The following HTR2B variants were observed in gnomAD, a reference collection of about 807,000 sequenced individuals.
HTR2B encodes 5-hydroxytryptamine receptor 2B.
A neutral mutation model predicts 39.8 loss-of-function variants in HTR2B; 31 were observed. The ratio of observed to expected loss-of-function variants is 0.78; its 90% CI spans 0.58 to 1.05. The LOEUF (loss-of-function observed/expected upper bound fraction) is 1.05, where lower values mean the gene tolerates loss of function less well. Ranked by LOEUF, HTR2B falls within the 50% of genes least tolerant of loss-of-function variation. The probability of loss-of-function intolerance (pLI) is 0.00; values close to 1 mark genes in which losing one functional copy is unlikely to be tolerated. For synonymous variants in HTR2B, 210 were observed against 207.1 expected (o/e 1.01, Z -0.12); for missense variants, 562 against 578.0 (o/e 0.97, Z 0.28).
chr2:231,111,766 C>A (rs898066033), intron 3 of HTR2B, among the ~76,000 whole-genome samples: 1 of 152,148 alleles, frequency 6.6e-6, no homozygotes, highest in Non-Finnish European at 1.5e-5. Flanking sequence ...CTCTAGGTTT[C>A]TTTTTTCTTA....
At chr2:231,112,022 T>C (rs767546215) in intron 3 of HTR2B, among the ~76,000 whole-genome samples, 4 of 152,204 alleles carry the variant, frequency 2.6e-5, no homozygotes, top group Non-Finnish European at 5.9e-5. Context: ...AGATGCCATT[T>C]ATACCAGCAG....
At chr2:231,114,034 G>C in intron 2 of HTR2B, 105 bp from the exon 3 acceptor site, 2 of 853,250 alleles carry the variant, frequency 2.3e-6, no homozygotes, top group Non-Finnish European at 3.9e-6. Context: ...TTACTCATCT[G>C]AAATTTTATA....
intron 2 of HTR2B, among the ~76,000 whole-genome samples, chr2:231,114,639 G>T (rs1695270153): frequency 6.6e-6 from 1 of 152,134 alleles, no homozygotes. Context: ...CTCAGGGTTA[G>T]ACGTAGTACT....
chr2:231,115,815 G>A (rs778623248), intron 2 of HTR2B, among the ~76,000 whole-genome samples: 15 of 152,078 alleles, frequency 9.9e-5, no homozygotes, highest in Non-Finnish European at 2.1e-4. Context: ...AGTGAGGATC[G>A]GCATCACCTG....
chr2:231,118,329 A>AT (rs1553563889), intron 2 of HTR2B, among the ~76,000 whole-genome samples: 1 of 152,174 alleles, frequency 6.6e-6, no homozygotes, highest in Non-Finnish European at 1.5e-5. Context: ...TCAGTATGAA[A>AT]TAAGAGTGTT....
chr2:231,120,609 T>C (rs1224160657), intron 2 of HTR2B, among the ~76,000 whole-genome samples: 1 of 152,244 alleles, frequency 6.6e-6, no homozygotes, highest in Non-Finnish European at 1.5e-5. Context: ...TTAAATATTA[T>C]ACAGATCAGT....
In HTR2B at chr2:231,124,099, C is replaced by G. The variant is rs531156439; in HGVS notation, c.-335G>C. 52 of 266,350 alleles carry G rather than the reference C, an allele frequency of 2.0e-4. No individual in the cohort carries two copies. Among genetic ancestry groups the G allele is most frequent in the African/African-American group, 1.1e-3 (48 of 44,938 alleles). 16.5% of individuals were successfully genotyped at this position (266,350 alleles called of 1,614,324 possible). ...TCTTTTTCTGCCGTAGTTGTAGAGT[C>G]GTGTTTGAACTTGCATGCCAGAGAG... On this transcript the variant is annotated 5_prime_UTR_variant, in exon 2 of 4. Coordinates refer to ENST00000258400, the MANE Select transcript of HTR2B (RefSeq NM_000867.5).
intron 2 of HTR2B, among the ~76,000 whole-genome samples, chr2:231,120,704 A>G (rs978211340): frequency 6.6e-6 from 1 of 152,226 alleles, no homozygotes; most frequent in Non-Finnish European, 1.5e-5. Context: ...TCATTTTATT[A>G]GACTACGAGC....
In HTR2B at chr2:231,109,193, T is replaced by G; in HGVS notation, c.770A>C (p.Gln257Pro). ...AGACACAGTCAACCATGTTAGGCGT[T>G]GAGGTGGCTTGTTTTTGACTAAGTA... The part of the protein sequence containing the change: ...KAYLVKNKPP[Q>P]RLTWLTVSTV... Residue 257 changes from glutamine (Q) to proline (P), a missense_variant, in exon 4 of 4, where the codon CAA (glutamine) becomes CCA (proline). Gln to Pro is a moderately conservative substitution (Grantham distance 76). Coordinates refer to ENST00000258400, the MANE Select transcript of HTR2B (RefSeq NM_000867.5). 6.2e-7 allele frequency: 1 copy of G among 1,614,188 alleles called. No homozygotes were observed. Among genetic ancestry groups the G allele is most frequent in the South Asian group, 1.1e-5 (1 of 91,086 alleles).
chr2:231,124,200 T>C (rs1695657883), intron 1 of HTR2B, 70 bp from the exon 2 acceptor site: 1 of 178,966 alleles, frequency 5.6e-6, no homozygotes. Context: ...TTGAACTTCA[T>C]AGCCCTTCCC....
At chr2:231,112,940 G>A (rs536783677) in intron 3 of HTR2B, among the ~76,000 whole-genome samples, 82 of 152,182 alleles carry the variant, frequency 5.4e-4, no homozygotes, top group African/African-American at 1.9e-3. Flanking sequence ...TGGGGCAGGG[G>A]GATCGCCAGA....
chr2:231,110,713 G>T (rs1386077400), intron 3 of HTR2B, among the ~76,000 whole-genome samples: 1 of 152,300 alleles, frequency 6.6e-6, no homozygotes, highest in East Asian at 1.9e-4. Context: ...TCTACACCAG[G>T]GGTCATTATA....
chr2:231,117,178 G>A (rs967007056), intron 2 of HTR2B, among the ~76,000 whole-genome samples: 8 of 152,024 alleles, frequency 5.3e-5, no homozygotes, highest in Non-Finnish European at 8.8e-5. Context: ...TAAAGGTTAA[G>A]TTGGTATGGT....
rs1695241202 is a variant in HTR2B, at chr2:231,113,826, A to G, written c.456T>C (p.Asp152=). 1.2e-6 allele frequency: 2 copies of G among 1,614,176 alleles called. No individual in the cohort carries two copies. Among genetic ancestry groups the G allele is most frequent in the African/African-American group, 1.3e-5 (1 of 75,066 alleles). ...SIMHLCAISV[D]RYIAIKKPIQ... is the part of the protein sequence containing the mutation. ...TTGGCTTTTTGATGGCTATGTAACG[A>G]TCCACTGAAATGGCACAGAGATGCA... Residue 152 remains aspartate (D), a synonymous_variant, in exon 3 of 4, where the codon GAT becomes GAC. Coordinates refer to ENST00000258400, the MANE Select transcript of HTR2B (RefSeq NM_000867.5).
chr2:231,113,991 G>T, intron 2 of HTR2B, 62 bp from the exon 3 acceptor site: 2 of 1,301,450 alleles, frequency 1.5e-6, no homozygotes, highest in Non-Finnish European at 2.2e-6. Flanking sequence ...TCAGTCTACA[G>T]TTTTTCAGGT....
intron 2 of HTR2B, among the ~76,000 whole-genome samples, chr2:231,115,839 G>T (rs1482608329): frequency 1.3e-5 from 2 of 152,124 alleles, no homozygotes; most frequent in Non-Finnish European, 2.9e-5. Flanking sequence ...ACTTAGATAT[G>T]CAGGCTCTTG....
intron 2 of HTR2B, among the ~76,000 whole-genome samples, chr2:231,115,278 G>A (rs1335584586): frequency 6.6e-6 from 1 of 151,848 alleles, no homozygotes; most frequent in Non-Finnish European, 1.5e-5. Flanking sequence ...TTTTTTTAAA[G>A]TCAGGTAGGA....
intron 2 of HTR2B, among the ~76,000 whole-genome samples, chr2:231,118,895 A>T (rs539646535): frequency 6.6e-6 from 1 of 152,348 alleles, no homozygotes; most frequent in East Asian, 1.9e-4. Context: ...CAAATCATAA[A>T]TACTTCTTAT....
intron 2 of HTR2B, among the ~76,000 whole-genome samples, chr2:231,116,268 A>C (rs945896274): frequency 6.6e-6 from 1 of 152,174 alleles, no homozygotes; most frequent in Non-Finnish European, 1.5e-5. Context: ...ATGAGGGTAC[A>C]TCTTGAGCTG....
Sources: allele counts gnomAD v4.1 joint callset (sites outside exome capture counted in the v4.1 genomes callset), GRCh38; gene constraint gnomAD v4.1.1; transcripts MANE v1.5; gene names NCBI Gene and HGNC (gene_info 2026-07-23, HGNC 2026-07-21).